The following CDH20 variants were observed in gnomAD, a reference collection of about 807,000 sequenced individuals.
CDH20 encodes the protein cadherin 20.
In CDH20, 29 loss-of-function variants were observed where a neutral mutation model predicts 74.2. That is an observed-to-expected ratio of 0.39 (90% CI 0.29 to 0.53). CDH20 has a LOEUF of 0.53. Ranked by LOEUF, CDH20 falls within the 20% of genes least tolerant of loss-of-function variation. The probability of loss-of-function intolerance (pLI) is 0.69; values close to 1 mark genes in which losing one functional copy is unlikely to be tolerated. For missense variants in CDH20, 988 were observed against 1,048.3 expected (o/e 0.94, Z 0.79); for synonymous variants, 469 against 405.4 (o/e 1.16, Z -1.88).
At chr18:61,497,727 T>C (rs908131558) in intron 2 of CDH20, among the ~76,000 whole-genome samples, 1 of 152,146 alleles carries the variant, frequency 6.6e-6, no homozygotes, top group African/African-American at 2.4e-5. Context: ...TATAAGGAAA[T>C]TAATGGTTAT....
chr18:61,441,164 C>G (rs75215683), intron 1 of CDH20, among the ~76,000 whole-genome samples: 1 of 151,986 alleles, frequency 6.6e-6, no homozygotes, highest in Non-Finnish European at 1.5e-5. Context: ...ATATAATAGC[C>G]CTCTAATAAT....
At chr18:61,550,792 G>A (rs1913407643) in intron 11 of CDH20, among the ~76,000 whole-genome samples, 1 of 152,198 alleles carries the variant, frequency 6.6e-6, no homozygotes, top group Non-Finnish European at 1.5e-5. Context: ...GAAGGGAAGA[G>A]GGATAAGGTA....
intron 1 of CDH20, among the ~76,000 whole-genome samples, chr18:61,367,015 A>G (rs1176948456): frequency 1.3e-5 from 2 of 152,124 alleles, no homozygotes; most frequent in Admixed American, 1.3e-4. Context: ...TGCATCTGGG[A>G]TTATAAAGTA....
intron 1 of CDH20, among the ~76,000 whole-genome samples, chr18:61,417,605 A>AAAAAAAG (rs1912731584): frequency 7.0e-6 from 1 of 142,272 alleles, no homozygotes; most frequent in Non-Finnish European, 1.5e-5. Flanking sequence ...AAAAAAAAAA[A>AAAAAAAG]TTGAATTCAT....
At chr18:61,448,235 G>C (rs2144331817) in intron 1 of CDH20, among the ~76,000 whole-genome samples, 1 of 152,308 alleles carries the variant, frequency 6.6e-6, no homozygotes, top group Middle Eastern at 3.4e-3. Flanking sequence ...TTGAGGGGGA[G>C]CTATAGAAAG....
intron 7 of CDH20, 74 bp from the exon 8 acceptor site, chr18:61,536,419 T>C (rs1313076843): frequency 4.2e-6 from 5 of 1,191,268 alleles, no homozygotes; most frequent in Non-Finnish European, 6.1e-6. Flanking sequence ...TGGTAGGCAC[T>C]CAGTTGTCTC....
At chr18:61,456,782 C>G (rs1909585300) in intron 1 of CDH20, among the ~76,000 whole-genome samples, 1 of 152,118 alleles carries the variant, frequency 6.6e-6, no homozygotes, top group African/African-American at 2.4e-5. Context: ...GTTCTGAAAA[C>G]TGGGAAATCC....
rs898945778 is a variant in CDH20 at position 61,339,681 on chromosome 18, A to ATTTTTTTTTTTTTTTT, written c.-153+5863_-153+5878dup. On this transcript the variant is annotated intron_variant, in intron 1 of 11. Transcript: ENST00000262717. ...ATGGATACATCTGATGGTCATAGAAATTTTTTTTTTTTTTTTTTTTTTTTG... is the reference window on the plus strand; with the variant it reads ...ATGGATACATCTGATGGTCATAGAAATTTTTTTTTTTTTTTTTTTTTTTTTTTTTTTTTTTTTTTTG... 9.0e-5 allele frequency among the ~76,000 whole-genome samples: 8 copies of ATTTTTTTTTTTTTTTT among 88,420 alleles called. 1 individual carries two copies. Among genetic ancestry groups the ATTTTTTTTTTTTTTTT allele is most frequent in the South Asian group, 4.5e-4 (1 of 2,212 alleles). 58.0% of individuals were successfully genotyped at this position (88,420 alleles called of 152,430 possible).
intron 1 of CDH20, among the ~76,000 whole-genome samples, chr18:61,376,447 C>A (rs1911234813): frequency 6.6e-6 from 1 of 152,052 alleles, no homozygotes; most frequent in Non-Finnish European, 1.5e-5. Context: ...AAATATGGAA[C>A]ATAAATGGAG....
rs564612129 is a variant in CDH20 at position 61,510,017 on chromosome 18, C to A, written c.1017+2457C>A. Among the ~76,000 whole-genome samples the A allele has an allele frequency of 2.6e-5, 4 of 152,238 alleles. No homozygotes were observed. The South Asian group carries it at 8.3e-4, about 32-fold the overall frequency. ...ACAAGTATTGGAATTCAGTTCTGGACATACATGTGACATTTCTAGAGTCTA... is the reference window on the plus strand; with the variant it reads ...ACAAGTATTGGAATTCAGTTCTGGAAATACATGTGACATTTCTAGAGTCTA... On this transcript the variant is annotated intron_variant, in intron 6 of 11. Coordinates refer to ENST00000262717, the MANE Select transcript of CDH20 (RefSeq NM_031891.4).
chr18:61,490,862 A>C, intron 2 of CDH20, 63 bp downstream of exon 2: 10 of 1,536,628 alleles, frequency 6.5e-6, no homozygotes, highest in South Asian at 1.1e-5. Context: ...TGAATTGAGT[A>C]TCAAAGTTGA....
rs555778025 is a variant in CDH20 at position 61,453,691 on chromosome 18, G to GTGTT, written c.-152-36709_-152-36706dup. 3.6e-3 allele frequency among the ~76,000 whole-genome samples: 542 copies of GTGTT among 152,276 alleles called. 5 individuals are homozygous for GTGTT. The highest frequency in any genetic ancestry group is 0.012 in the African/African-American group (504 of 41,554). On this transcript the variant is annotated intron_variant, in intron 1 of 11. Coordinates refer to ENST00000262717, the MANE Select transcript of CDH20 (RefSeq NM_031891.4). ...TTCTACTTTGTGGAGGTGCCCCAAT[G>GTGTT]TGTTTATCCTTTCACTCACTGAAGG...
At chr18:61,402,488 G>A (rs1004342866) in intron 1 of CDH20, among the ~76,000 whole-genome samples, 1 of 152,130 alleles carries the variant, frequency 6.6e-6, no homozygotes, top group African/African-American at 2.4e-5. Context: ...TACATCCCTT[G>A]ATTCCCTAAT....
intron 10 of CDH20, 55 bp from the exon 11 acceptor site, chr18:61,549,923 C>T (rs1009664044): frequency 6.3e-7 from 1 of 1,576,158 alleles, no homozygotes; most frequent in African/African-American, 1.3e-5. Context: ...TTTCCTCAAT[C>T]CAAGAAATTA....
intron 1 of CDH20, among the ~76,000 whole-genome samples, chr18:61,479,549 C>T (rs1910513639): frequency 6.6e-6 from 1 of 152,156 alleles, no homozygotes; most frequent in Non-Finnish European, 1.5e-5. Context: ...TTGTTTTCTA[C>T]TGAGCAAAGT....
At chr18:61,495,534 A>G (rs1354548978) in intron 2 of CDH20, among the ~76,000 whole-genome samples, 1 of 152,096 alleles carries the variant, frequency 6.6e-6, no homozygotes, top group Non-Finnish European at 1.5e-5. Context: ...AGGAGGGAGG[A>G]GTGACTTGCT....
At chr18:61,507,194 G>T (rs1398279926) in intron 5 of CDH20, among the ~76,000 whole-genome samples, 179 bp from the exon 6 acceptor site, 3 of 152,110 alleles carry the variant, frequency 2.0e-5, no homozygotes, top group African/African-American at 7.2e-5. Context: ...ACAGGCTATG[G>T]CCTGTATGAC....
chr18:61,423,215 G>A (rs1465949089), intron 1 of CDH20, among the ~76,000 whole-genome samples: 1 of 152,218 alleles, frequency 6.6e-6, no homozygotes, highest in African/African-American at 2.4e-5. Flanking sequence ...GATGCAGAAG[G>A]ATGAGGTATA....
chr18:61,436,009 C>T (rs1908821657), intron 1 of CDH20, among the ~76,000 whole-genome samples: 1 of 152,136 alleles, frequency 6.6e-6, no homozygotes, highest in African/African-American at 2.4e-5. Context: ...CTGGGCATTT[C>T]ATATAAATGA....
Sources: allele counts gnomAD v4.1 joint callset (sites outside exome capture counted in the v4.1 genomes callset), GRCh38; gene constraint gnomAD v4.1.1; transcripts MANE v1.5; gene names NCBI Gene and HGNC (gene_info 2026-07-23, HGNC 2026-07-21).